The following WASF3 variants were observed in gnomAD, a reference collection of about 807,000 sequenced individuals.
WASF3 encodes the protein WASP family member 3, also known as actin-binding protein WASF3.
WASF3 carries 11 observed loss-of-function variants against 46.6 expected under a neutral mutation model. The observed-to-expected ratio is 0.24, with a 90% confidence interval of 0.15 to 0.39. WASF3 has a LOEUF of 0.39. Ranked by LOEUF, WASF3 falls within the 10% of genes least tolerant of loss-of-function variation. WASF3 has a pLI of 1.00. For synonymous variants in WASF3, 242 were observed against 259.7 expected (o/e 0.93, Z 0.65); for missense variants, 576 against 669.8 (o/e 0.86, Z 1.55).
At chr13:26,545,441 C>T in the WASF3 span, among the ~76,000 whole-genome samples, 3 of 151,976 alleles carry the variant, frequency 2.0e-5, no homozygotes, top group African/African-American at 7.3e-5. Flanking sequence ...TGCCTTCTGG[C>T]TTTATATTTT....
chr13:26,653,250 G>A (rs1882367945), intron 3 of WASF3, among the ~76,000 whole-genome samples: 1 of 152,048 alleles, frequency 6.6e-6, no homozygotes, highest in African/African-American at 2.4e-5. Context: ...TTTCTTCTCT[G>A]TATTATTTTT....
intron 3 of WASF3, among the ~76,000 whole-genome samples, chr13:26,653,626 T>C (rs1376482047): frequency 6.6e-6 from 1 of 152,188 alleles, no homozygotes; most frequent in East Asian, 1.9e-4. Context: ...CACCTCACTC[T>C]GGTGTTTTTC....
At position 26,563,305 on chromosome 13, in the gene WASF3, C is replaced by T. The variant is rs576724837; in HGVS notation, c.-109+5486C>T. ...GAACTCCTGGGCTCAAGCAGTCCTC[C>T]CACCTTGGCCTCCCAAAGTGTTGCA... is the stretch of plus-strand genomic sequence containing the variant. On this transcript the variant is annotated intron_variant, in intron 1 of 9. Transcript: ENST00000335327. Among the ~76,000 whole-genome samples the T allele has an allele frequency of 1.6e-4, 24 of 152,120 alleles. No homozygotes were observed. In the South Asian group the frequency reaches 4.8e-3, roughly 30 times the overall value.
intron 1 of WASF3, among the ~76,000 whole-genome samples, chr13:26,596,792 T>C (rs975697677): frequency 6.6e-6 from 1 of 152,324 alleles, no homozygotes; most frequent in East Asian, 1.9e-4. Flanking sequence ...TTCTCAGCTC[T>C]TGGGCAGTTT....
chr13:26,546,428 G>A, the WASF3 span, among the ~76,000 whole-genome samples: 34 of 152,216 alleles, frequency 2.2e-4, no homozygotes, highest in Non-Finnish European at 4.3e-4. Flanking sequence ...CAGACTGGGT[G>A]CGGTGGCTCA....
intron 5 of WASF3, among the ~76,000 whole-genome samples, 187 bp downstream of exon 5, chr13:26,667,857 A>G (rs1593180030): frequency 6.6e-6 from 1 of 152,244 alleles, no homozygotes; most frequent in East Asian, 1.9e-4. Flanking sequence ...GTACATAATT[A>G]TTAAAGTTAC....
intron 2 of WASF3, chr13:26,622,786 A>T (rs931720079): frequency 2.0e-5 from 3 of 152,194 alleles, no homozygotes; most frequent in Non-Finnish European, 2.9e-5. Flanking sequence ...AAAAAAAAAA[A>T]ATCTGTTTAC....
chr13:26,678,788 C>G (rs1367460744), intron 7 of WASF3, among the ~76,000 whole-genome samples: 5 of 152,176 alleles, frequency 3.3e-5, no homozygotes, highest in Admixed American at 2.0e-4. Context: ...ACCTCCATGC[C>G]CAATTGTCCT....
At chr13:26,565,306 A>G (rs1245358672) in intron 1 of WASF3, among the ~76,000 whole-genome samples, 5 of 152,138 alleles carry the variant, frequency 3.3e-5, no homozygotes, top group Non-Finnish European at 7.4e-5. Context: ...GAAAGATGGT[A>G]AAGAGAGAGG....
At chr13:26,609,305 A>G (rs1880899640) in intron 1 of WASF3, 4 of 152,174 alleles carry the variant, frequency 2.6e-5, no homozygotes, top group African/African-American at 7.2e-5. Context: ...ATCATGAGAT[A>G]AACTCTGTCA....
At chr13:26,683,060 A>C (rs1883291477) in intron 9 of WASF3, 86 bp downstream of exon 9, 1 of 1,512,954 alleles carries the variant, frequency 6.6e-7, no homozygotes, top group African/African-American at 1.4e-5. Context: ...CTTGTCTTCA[A>C]ATGACTACTC....
chr13:26,682,682 C>T lies in WASF3; in HGVS notation c.1059C>T (p.Pro353=). 1.2e-6 allele frequency: 2 copies of T among 1,614,172 alleles called. No individual in the cohort carries two copies. The highest frequency in any genetic ancestry group is 1.7e-6 in the Non-Finnish European group (2 of 1,180,042). The change falls in exon 9 of 10, where the codon CCC becomes CCT. Residue 353 remains proline, a synonymous_variant. Coordinates refer to ENST00000335327, the MANE Select transcript of WASF3 (RefSeq NM_006646.6). This position sits in a 1 kb window ranked among gnomAD's most constrained non-coding sequence, Gnocchi z 4.4. The part of the protein sequence containing the change: ...PPPPPPPPVI[P]SAQTAFVSPL... ...CTCCGCCACCTCCTCCTGTGATTCCCTCAGCACAAACTGCCTTCGTCAGCC... is the reference window on the plus strand; with the variant it reads ...CTCCGCCACCTCCTCCTGTGATTCCTTCAGCACAAACTGCCTTCGTCAGCC...
chr13:26,677,502 A>G (rs1883101572), intron 7 of WASF3, among the ~76,000 whole-genome samples: 1 of 152,232 alleles, frequency 6.6e-6, no homozygotes, highest in Non-Finnish European at 1.5e-5. Context: ...TTTCAAAACA[A>G]CAGCAACCTG....
At chr13:26,564,906 T>TG (rs1042788427) in intron 1 of WASF3, among the ~76,000 whole-genome samples, 4 of 145,192 alleles carry the variant, frequency 2.8e-5, no homozygotes, top group Admixed American at 1.3e-4. Context: ...TGTGGTTTTT[T>TG]TTTTTTTTTT....
At position 26,576,181 on chromosome 13, in the gene WASF3, G is replaced by A. The variant is rs112401495; in HGVS notation, c.-109+18362G>A. 7.7e-3 allele frequency among the ~76,000 whole-genome samples: 1,169 copies of A among 151,846 alleles called. 7 individuals are homozygous for A. The highest frequency in any genetic ancestry group is 0.012 in the Non-Finnish European group (790 of 67,898). On this transcript the variant is annotated intron_variant, in intron 1 of 9. Coordinates refer to ENST00000335327, the MANE Select transcript of WASF3 (RefSeq NM_006646.6). ...TCTTTTTAAATTTCACTTTCTTATG[G>A]TTGTTTTTCTACTTTTCCTCAATGC...
intron 1 of WASF3, among the ~76,000 whole-genome samples, chr13:26,598,418 C>T (rs955623529): frequency 6.6e-6 from 1 of 152,170 alleles, no homozygotes; most frequent in African/African-American, 2.4e-5. Context: ...AGTGCCTCTT[C>T]ACTCTGATGG....
chr13:26,546,605 G>A, the WASF3 span, among the ~76,000 whole-genome samples: 2 of 152,136 alleles, frequency 1.3e-5, no homozygotes, highest in South Asian at 2.1e-4. Flanking sequence ...CCAGCTACTT[G>A]GGAAGCTGAG....
At chr13:26,565,636 C>G (rs1481412125) in intron 1 of WASF3, among the ~76,000 whole-genome samples, 1 of 152,144 alleles carries the variant, frequency 6.6e-6, no homozygotes, top group African/African-American at 2.4e-5. Context: ...CCTAATTCCC[C>G]AAACACCTGT....
At chr13:26,644,657 C>T (rs550777815) in intron 3 of WASF3, among the ~76,000 whole-genome samples, 3 of 152,200 alleles carry the variant, frequency 2.0e-5, no homozygotes, top group South Asian at 4.2e-4. Context: ...TCAGGAAGTT[C>T]GAACTAAGAA....
Sources: allele counts gnomAD v4.1 joint callset (sites outside exome capture counted in the v4.1 genomes callset), GRCh38; gene constraint gnomAD v4.1.1; non-coding constraint Gnocchi (gnomAD v3.1); transcripts MANE v1.5; gene names NCBI Gene and HGNC (gene_info 2026-07-23, HGNC 2026-07-21).